The following LSS variants were observed in gnomAD, a reference collection of about 807,000 sequenced individuals.
The protein encoded by LSS is 2,3-epoxysqualene-lanosterol cyclase.
LSS carries 90 observed loss-of-function variants against 110.3 expected under a neutral mutation model. That is an observed-to-expected ratio of 0.82 (90% CI 0.69 to 0.97). The LOEUF is 0.97. Ranked by LOEUF, LSS falls within the 50% of genes least tolerant of loss-of-function variation. The pLI, the probability that LSS is intolerant of heterozygous loss-of-function variation, is 0.00. For missense variants in LSS, 927 were observed against 990.0 expected (o/e 0.94, Z 0.85); for synonymous variants, 433 against 400.0 (o/e 1.08, Z -0.98).
At chr21:46,193,663 G>A (rs968767136) in intron 20 of LSS, 12 of 452,996 alleles carry the variant, frequency 2.6e-5, no homozygotes, top group African/African-American at 1.8e-4. Context: ...CTATGTCTGT[G>A]TGTGGCACAG....
At chr21:46,194,895 C>T (rs777460766) in intron 19 of LSS, among the ~76,000 whole-genome samples, 20 of 152,240 alleles carry the variant, frequency 1.3e-4, no homozygotes, top group Non-Finnish European at 2.1e-4. Context: ...ATGCGAGTAC[C>T]GAGGATGGCC....
At chr21:46,206,389 T>C (rs1019193479) in intron 16 of LSS, among the ~76,000 whole-genome samples, 2 of 152,188 alleles carry the variant, frequency 1.3e-5, no homozygotes, top group Non-Finnish European at 2.9e-5. Flanking sequence ...ACAAGCCCTG[T>C]GGACTGAGCA....
At chr21:46,191,533 G>A (rs540935444) in intron 21 of LSS, among the ~76,000 whole-genome samples, 2 of 152,298 alleles carry the variant, frequency 1.3e-5, no homozygotes, top group South Asian at 4.1e-4. Flanking sequence ...GGCCTCACAT[G>A]ACCTCATGAC....
chr21:46,217,251 AAAAAAAG>A (rs1196219299), intron 6 of LSS, among the ~76,000 whole-genome samples: 29 of 134,776 alleles, frequency 2.2e-4, no homozygotes, highest in African/African-American at 3.8e-4. Context: ...CTCAAAAAAA[AAAAAAAG>A]AAAAGAAAAA....
chr21:46,223,845 C>T lies in LSS; in HGVS notation c.320-1107G>A, dbSNP rs144066736. ...GTGGTAACGCCAGCGTCTGGGAAGA[C>T]GCCCGTTGCCGAGCGGACGGTGGTC... is the stretch of plus-strand genomic sequence containing the variant. On this transcript the variant is annotated intron_variant, in intron 3 of 21. Transcript: ENST00000397728. Among the ~76,000 whole-genome samples, 1,309 of 152,308 alleles carry T rather than the reference C, an allele frequency of 8.6e-3. 16 individuals are homozygous for T. The highest frequency in any genetic ancestry group is 0.03 in the African/African-American group (1,251 of 41,570).
rs545164018 is a variant in LSS, at chr21:46,208,003, T to C, written c.1317+248A>G. Among the ~76,000 whole-genome samples the C allele has an allele frequency of 3.9e-4, 60 of 152,374 alleles. No individual in the cohort carries two copies. The South Asian group carries it at 0.012, about 31-fold the overall frequency. ...CGGCTGTCCTTCTGAAGCCTGTGTG[T>C]GCCGTGACCACTGGAACTGCTCTGA... On this transcript the variant is annotated intron_variant, in intron 14 of 21. Coordinates refer to ENST00000397728, the MANE Select transcript of LSS (RefSeq NM_002340.6).
intron 15 of LSS, 88 bp downstream of exon 15, chr21:46,207,340 G>A (rs1485259066): frequency 1.3e-5 from 19 of 1,500,690 alleles, no homozygotes; most frequent in African/African-American, 1.2e-4. Context: ...ACTGTGTGCT[G>A]GGCTGGAGCC....
Position 46,209,428 on chromosome 21 carries a change from G to A in LSS, c.1266+126C>T. 2 of 833,498 alleles carry A rather than the reference G, an allele frequency of 2.4e-6. No individual in the cohort carries two copies. The highest frequency in any genetic ancestry group is 1.8e-6 in the Non-Finnish European group (1 of 541,288). 51.6% of individuals were successfully genotyped at this position (833,498 alleles called of 1,614,324 possible). On this transcript the variant is annotated intron_variant, in intron 13 of 21. Coordinates refer to ENST00000397728, the MANE Select transcript of LSS (RefSeq NM_002340.6). The surrounding 1 kb of genome is among the most constrained non-coding windows in gnomAD (Gnocchi z 4.4). Reference sequence around the variant, plus strand: ...GCTAGGGAGGGGATGGGAGGGTGGGGGTGACCTGAAACACCAGTGCAGGAA... The same window carrying A: ...GCTAGGGAGGGGATGGGAGGGTGGGAGTGACCTGAAACACCAGTGCAGGAA...
chr21:46,221,231 G>A (rs1244694129), intron 5 of LSS, among the ~76,000 whole-genome samples: 1 of 152,014 alleles, frequency 6.6e-6, no homozygotes, highest in African/African-American at 2.4e-5. Context: ...AGCTTGGAAG[G>A]TGCAAGCTCC....
chr21:46,212,586 G>C (rs2080147777), intron 11 of LSS, among the ~76,000 whole-genome samples: 1 of 152,158 alleles, frequency 6.6e-6, no homozygotes, highest in African/African-American at 2.4e-5. Flanking sequence ...AAGTCCACGG[G>C]GAGCTCCCAG....
chr21:46,215,131 G>T (rs2080182742), intron 9 of LSS, 49 bp downstream of exon 9: 1 of 1,517,574 alleles, frequency 6.6e-7, no homozygotes, highest in Non-Finnish European at 9.1e-7. Context: ...TTCACTTTCG[G>T]ACCTCAACCC....
At chr21:46,192,687 G>C in intron 20 of LSS, 1 of 454,062 alleles carries the variant, frequency 2.2e-6, no homozygotes, top group Middle Eastern at 3.3e-4. Context: ...AGACCTGTGT[G>C]TGCATCTGTC....
intron 6 of LSS, among the ~76,000 whole-genome samples, chr21:46,218,023 G>A (rs548719465): frequency 2.4e-4 from 36 of 151,758 alleles, no homozygotes; most frequent in Non-Finnish European, 4.1e-4. Flanking sequence ...TTAAGCCCCC[G>A]GCCTTTGCAT....
intron 20 of LSS, chr21:46,193,123 G>C: frequency 2.2e-6 from 1 of 446,750 alleles, no homozygotes; most frequent in Non-Finnish European, 4.5e-6. Context: ...ACAGGTGCCT[G>C]TGCATGCATA....
intron 8 of LSS, 151 bp downstream of exon 8, chr21:46,215,534 T>C (rs1006009512): frequency 6.3e-6 from 4 of 630,392 alleles, no homozygotes; most frequent in South Asian, 1.9e-5. Context: ...GTTCTCAGGG[T>C]GGAGGGGCAG....
intron 3 of LSS, among the ~76,000 whole-genome samples, chr21:46,225,561 C>G (rs1290424686): frequency 1.3e-5 from 2 of 152,276 alleles, no homozygotes; most frequent in Non-Finnish European, 2.9e-5. Context: ...TAACCATCTC[C>G]CTGTGATGCT....
rs150463602 is a variant in LSS at position 46,191,151 on chromosome 21, G to A, written c.2152C>T (p.Arg718Cys). 48 of 1,613,898 alleles carry A rather than the reference G, an allele frequency of 3.0e-5. No homozygotes were observed. The highest frequency in any genetic ancestry group is 1.2e-4 in the African/African-American group (9 of 74,940). Residue 718 changes from arginine to cysteine, a missense_variant, in exon 22 of 22, where the codon CGC (arginine) becomes TGC (cysteine). Arg to Cys is a radical substitution (Grantham distance 180, BLOSUM62 -3). Coordinates refer to ENST00000397728, the MANE Select transcript of LSS (RefSeq NM_002340.6). Reference sequence around the variant, plus strand: ...CTCTCAGGGTACAGCTGGGAGAAGCGGCCGAGGGCCCAGATGGGGAAGATG... The same window carrying A: ...CTCTCAGGGTACAGCTGGGAGAAGCAGCCGAGGGCCCAGATGGGGAAGATG... The part of the protein sequence containing the change: ...RNIFPIWALG[R>C]FSQLYPERAL...
chr21:46,213,743 A>G lies in LSS; in HGVS notation c.1104T>C (p.Tyr368=). 6.2e-7 allele frequency: 1 copy of G among 1,613,408 alleles called. No homozygotes were observed. Among genetic ancestry groups the G allele is most frequent in the East Asian group, 2.2e-5 (1 of 44,852 alleles). ...FQEHVSRIPD[Y]LWMGLDGMKM... is the part of the protein sequence containing the mutation. ...CATATCCCAGCCACACTCACCAGAG[A>G]TAGTCCGGGATTCTGGAGACATGCT... The change falls in exon 10 of 22, where the codon TAT becomes TAC. Residue 368 remains tyrosine, a synonymous_variant. Coordinates refer to ENST00000397728, the MANE Select transcript of LSS (RefSeq NM_002340.6).
At chr21:46,198,799 A>G (rs149562956) in intron 17 of LSS, among the ~76,000 whole-genome samples, 17 of 135,774 alleles carry the variant, frequency 1.3e-4, no homozygotes, top group South Asian at 5.2e-4. Context: ...TTCTTGACAG[A>G]TGGTACCAAA....
Sources: gnomAD v4.1 joint callset for allele counts (sites outside exome capture counted in the v4.1 genomes callset) on GRCh38, gnomAD v4.1.1 for gene constraint, Gnocchi (gnomAD v3.1) non-coding constraint, MANE v1.5 for transcripts, NCBI Gene and HGNC (gene_info 2026-07-23, HGNC 2026-07-21) for gene names.